Variants in NCF4 observed in about 807,000 individuals in gnomAD.
NCF4 encodes neutrophil cytosolic factor 4, also known as neutrophil cytosol factor 4.
In NCF4, 30 loss-of-function variants were observed where a neutral mutation model predicts 41.7. The ratio of observed to expected loss-of-function variants is 0.72; its 90% CI spans 0.54 to 0.97. The LOEUF (loss-of-function observed/expected upper bound fraction) is 0.97, where lower values mean the gene tolerates loss of function less well. Ranked by LOEUF, NCF4 falls within the 50% of genes least tolerant of loss-of-function variation. The pLI is 0.00. For synonymous variants in NCF4, 195 were observed against 175.8 expected, an observed-to-expected ratio of 1.11 and a Z score of -0.87; for missense variants, 432 against 460.9, an observed-to-expected ratio of 0.94 and a Z score of 0.57.
At chr22:36,866,573 T>A (rs1939931494) in intron 3 of NCF4, among the ~76,000 whole-genome samples, 1 of 152,058 alleles carries the variant, frequency 6.6e-6, no homozygotes, top group Admixed American at 6.6e-5. Context: ...AATTGTCACG[T>A]TTTTGCTCCT....
intron 4 of NCF4, among the ~76,000 whole-genome samples, chr22:36,869,557 T>C (rs1940004016): frequency 6.6e-6 from 1 of 152,152 alleles, no homozygotes; most frequent in African/African-American, 2.4e-5. Context: ...GCTGCCCCCA[T>C]GGGATCCTCT....
chr22:36,875,701 A>G lies in NCF4; in HGVS notation c.676A>G (p.Ile226Val). Residue 226 changes from isoleucine (I) to valine (V), a missense_variant, in exon 8 of 10, where the codon ATC (isoleucine) becomes GTC (valine). Ile to Val is a conservative substitution (Grantham distance 29). Transcript: ENST00000248899. ...CATCTTCCCTCTCTCCTTCGTGAAG[A>G]TCCTCAAAGACTTCCCTGAGGAGGA... ...TGIFPLSFVK[I>V]LKDFPEEDDP... The G allele has an allele frequency of 6.2e-7, 1 of 1,613,434 alleles. No homozygotes were observed. The highest frequency in any genetic ancestry group is 8.5e-7 in the Non-Finnish European group (1 of 1,180,026).
At chr22:36,869,758 C>T (rs758611559) in intron 4 of NCF4, among the ~76,000 whole-genome samples, 6 of 152,192 alleles carry the variant, frequency 3.9e-5, no homozygotes, top group Admixed American at 1.3e-4. Context: ...GGCTCAAGTC[C>T]GGGCCCTGTC....
chr22:36,861,775 C>T (rs368988350), intron 1 of NCF4, among the ~76,000 whole-genome samples: 5 of 152,298 alleles, frequency 3.3e-5, no homozygotes, highest in South Asian at 2.1e-4. Flanking sequence ...GCAAGCTCCA[C>T]GAGGCTGTGT....
chr22:36,861,322 C>A, intron 1 of NCF4, 119 bp downstream of exon 1: 1 of 1,300,328 alleles, frequency 7.7e-7, no homozygotes, highest in Non-Finnish European at 1.1e-6. Context: ...TGAGTCAGAA[C>A]CCAAATACTC....
intron 4 of NCF4, among the ~76,000 whole-genome samples, chr22:36,869,845 T>C (rs1429736952): frequency 6.6e-6 from 1 of 152,204 alleles, no homozygotes; most frequent in Admixed American, 6.5e-5. Flanking sequence ...TGAGATAAAG[T>C]ATCAGGAAGC....
Position 36,865,542 on chromosome 22 carries a change from G to A in NCF4, c.271+470G>A, listed in dbSNP as rs989875940. On this transcript the variant is annotated intron_variant, in intron 3 of 9. Transcript: ENST00000248899. The surrounding 1 kb of genome is among the most constrained non-coding windows in gnomAD (Gnocchi z 4.3). ...TTCTCCTGTCCCGCCAGGAAGCTGG[G>A]TGGCCTCAAGCCTCTGCTTGCAAAC... Among the ~76,000 whole-genome samples, 5 of 152,180 alleles carry A rather than the reference G, an allele frequency of 3.3e-5. No individual in the cohort carries two copies.
chr22:36,869,564 C>G (rs571388612), intron 4 of NCF4, among the ~76,000 whole-genome samples: 183 of 152,326 alleles, frequency 1.2e-3, no homozygotes, highest in Non-Finnish European at 1.6e-3. Context: ...CCATGGGATC[C>G]TCTGCAGGGC....
At chr22:36,861,271 C>CTATG in intron 1 of NCF4, 68 bp downstream of exon 1, 1 of 1,518,708 alleles carries the variant, frequency 6.6e-7, no homozygotes, top group Non-Finnish European at 9.0e-7. Flanking sequence ...GGACAAAGGC[C>CTATG]AGTCCTTCTG....
Position 36,863,955 on chromosome 22 carries a change from T to G in NCF4, c.33-90T>G, listed in dbSNP as rs191747644. ...GAGACGAATGTTGGCTTCACAACAT[T>G]AGTTTGCTTTGCACTCTACCTCATA... On this transcript the variant is annotated intron_variant, in intron 1 of 9. Coordinates refer to ENST00000248899, the MANE Select transcript of NCF4 (RefSeq NM_000631.5). The G allele has an allele frequency of 2.5e-6, 3 of 1,214,226 alleles. No individual in the cohort carries two copies. In the Admixed American group the frequency reaches 5.0e-5, roughly 20 times the overall value. 75.2% of individuals were successfully genotyped at this position (1,214,226 alleles called of 1,614,324 possible). A position where few individuals can be genotyped will look rare whatever the true frequency, so the allele number is the denominator to read the frequency against.
At chr22:36,863,148 C>T (rs778089996) in intron 1 of NCF4, among the ~76,000 whole-genome samples, 6 of 152,248 alleles carry the variant, frequency 3.9e-5, no homozygotes, top group South Asian at 2.1e-4. Flanking sequence ...TAATTGCAGA[C>T]GACGGTAGTG....
At chr22:36,872,219 G>A in intron 6 of NCF4, 108 bp from the exon 7 acceptor site, 1 of 938,704 alleles carries the variant, frequency 1.1e-6, no homozygotes, top group South Asian at 1.3e-5. Flanking sequence ...TTCTCCCCAA[G>A]CCTCAGTTTC....
At chr22:36,862,066 T>C (rs1601544324) in intron 1 of NCF4, among the ~76,000 whole-genome samples, 1 of 152,152 alleles carries the variant, frequency 6.6e-6, no homozygotes, top group East Asian at 1.9e-4. Context: ...CCTCGTCGCT[T>C]GGGAAGCATT....
intron 4 of NCF4, among the ~76,000 whole-genome samples, chr22:36,867,867 G>C (rs1939965549): frequency 6.6e-6 from 1 of 152,220 alleles, no homozygotes; most frequent in South Asian, 2.1e-4. Flanking sequence ...TCCATCATGG[G>C]GGTGTGGCCA....
At chr22:36,862,054 A>C (rs533554978) in intron 1 of NCF4, among the ~76,000 whole-genome samples, 1 of 152,312 alleles carries the variant, frequency 6.6e-6, no homozygotes, top group African/African-American at 2.4e-5. Flanking sequence ...ACCAGCATCT[A>C]GCCTCGTCGC....
In NCF4 at chr22:36,864,947, G is replaced by C. The variant is rs1402948199; in HGVS notation, c.146G>C (p.Gly49Ala). The C allele has an allele frequency of 6.2e-7, 1 of 1,614,004 alleles. No homozygotes were observed. ...TTCGTCATCGAGGTGAAGACAAAAG[G>C]AGGATCCAAGTACCTCATCTACCGC... The part of the protein sequence containing the change: ...FVFVIEVKTK[G>A]GSKYLIYRRY... The change falls in exon 3 of 10, where the codon GGA (glycine) becomes GCA (alanine). Residue 49 changes from glycine (G) to alanine (A), a missense_variant. Coordinates refer to ENST00000248899, the MANE Select transcript of NCF4 (RefSeq NM_000631.5).
chr22:36,870,813 G>T (rs1339550127), intron 5 of NCF4, among the ~76,000 whole-genome samples: 3 of 152,152 alleles, frequency 2.0e-5, no homozygotes, highest in Non-Finnish European at 4.4e-5. Flanking sequence ...AACTACTGGG[G>T]ATAGCCCAGA....
intron 1 of NCF4, among the ~76,000 whole-genome samples, chr22:36,863,744 T>C (rs1939843106): frequency 6.6e-6 from 1 of 151,088 alleles, no homozygotes; most frequent in Non-Finnish European, 1.5e-5. Context: ...TGTTAGACTA[T>C]AATTTGGCTA....
chr22:36,873,489 G>A (rs895231187), intron 7 of NCF4, among the ~76,000 whole-genome samples: 5 of 142,832 alleles, frequency 3.5e-5, no homozygotes, highest in Admixed American at 3.3e-4. Context: ...GAAGGCCTCA[G>A]GGAAGAGATG....
Sources: allele counts gnomAD v4.1 joint callset (sites outside exome capture counted in the v4.1 genomes callset), GRCh38; gene constraint gnomAD v4.1.1; non-coding constraint Gnocchi (gnomAD v3.1); transcripts MANE v1.5; gene names NCBI Gene and HGNC (gene_info 2026-07-23, HGNC 2026-07-21).